The following SYNE1 variants were observed in gnomAD, a reference collection of about 807,000 sequenced individuals.
SYNE1 encodes spectrin repeat containing nuclear envelope protein 1, also known as nesprin-1.
A neutral mutation model predicts 1,111.0 loss-of-function variants in SYNE1; 616 were observed. That is an observed-to-expected ratio of 0.55 (90% CI 0.52 to 0.59). The LOEUF is 0.59. Ranked by LOEUF, SYNE1 falls within the 20% of genes least tolerant of loss-of-function variation. The probability of loss-of-function intolerance (pLI) is 0.00; values close to 1 mark genes in which losing one functional copy is unlikely to be tolerated. For missense variants in SYNE1, 10,006 were observed against 10,417.0 expected (o/e 0.96, Z 1.72); for synonymous variants, 3,855 against 3,825.8 (o/e 1.01, Z -0.28).
intron 5 of SYNE1, 125 bp downstream of exon 5, chr6:152,525,955 A>G: frequency 1.2e-6 from 1 of 835,700 alleles, no homozygotes; most frequent in East Asian, 2.6e-5. Flanking sequence ...TTTCCAGTAT[A>G]CTACCAACCA....
chr6:152,377,444 A>C (rs1312397961), intron 56 of SYNE1, among the ~76,000 whole-genome samples: 1 of 150,658 alleles, frequency 6.6e-6, no homozygotes, highest in African/African-American at 2.4e-5. Flanking sequence ...CCCCATCTCT[A>C]CTGAAAATAC....
intron 98 of SYNE1, 103 bp downstream of exon 98, chr6:152,277,986 G>A (rs1476747499): frequency 1.6e-6 from 2 of 1,226,188 alleles, no homozygotes; most frequent in Non-Finnish European, 2.4e-6. Context: ...ACACACACAA[G>A]TACGCGTCAC....
intron 64 of SYNE1, among the ~76,000 whole-genome samples, chr6:152,360,286 GCAA>G (rs1487815216): frequency 7.2e-5 from 11 of 152,086 alleles, no homozygotes; most frequent in African/African-American, 2.7e-4. Context: ...ACTCTCTGCT[GCAA>G]CAACACCTGC....
In SYNE1 at chr6:152,466,207, T is replaced by C. The variant is rs2098766388; in HGVS notation, c.1633-129A>G. The C allele has an allele frequency of 5.4e-5, 35 of 646,840 alleles. No homozygotes were observed. In the East Asian group the frequency reaches 9.7e-4, roughly 18 times the overall value. 40.1% of individuals were successfully genotyped at this position (646,840 alleles called of 1,614,324 possible). On this transcript the variant is annotated intron_variant, in intron 16 of 145. Transcript: ENST00000367255. Reference sequence around the variant, plus strand: ...GTTAATCTCAGTCTTCTTGAAAACATAAAATTAATTCCACTGCTACAAATT... The same window carrying C: ...GTTAATCTCAGTCTTCTTGAAAACACAAAATTAATTCCACTGCTACAAATT...
intron 87 of SYNE1, among the ~76,000 whole-genome samples, chr6:152,312,975 AG>A (rs2095598965): frequency 6.6e-6 from 1 of 152,180 alleles, no homozygotes; most frequent in South Asian, 2.1e-4. Context: ...AAGAAAGTAA[AG>A]GGATGAAAGA....
At chr6:152,545,502 C>T (rs1344799309) in intron 3 of SYNE1, among the ~76,000 whole-genome samples, 2 of 152,128 alleles carry the variant, frequency 1.3e-5, no homozygotes, top group East Asian at 1.9e-4. Context: ...ATCACTTGAA[C>T]CTGGGAGGCA....
chr6:152,165,513 T>C (rs2635473), intron 130 of SYNE1, among the ~76,000 whole-genome samples: 88,667 of 151,764 alleles, frequency 0.58, 26,881 homozygotes, highest in Non-Finnish European at 0.68. Context: ...TTGAATAACA[T>C]TTTCAGTTTG....
At chr6:152,516,105 A>T (rs1387208987) in intron 6 of SYNE1, among the ~76,000 whole-genome samples, 1 of 152,236 alleles carries the variant, frequency 6.6e-6, no homozygotes, top group Non-Finnish European at 1.5e-5. Context: ...CAATGCTAAG[A>T]TAATAAGTGG....
At position 152,350,148 on chromosome 6, in the gene SYNE1, C is replaced by G; in HGVS notation, c.11901+20G>C. ...CTGGTGAAGCCATCCCAAAGGCAGC[C>G]CTTTAAAGGTCAGGGGTACCTTGTG... is the stretch of plus-strand genomic sequence containing the variant. On this transcript the variant is annotated intron_variant, in intron 72 of 145. Transcript: ENST00000367255. The G allele has an allele frequency of 6.2e-7, 1 of 1,612,514 alleles. No homozygotes were observed.
At chr6:152,392,731 T>C (rs2097665470) in intron 51 of SYNE1, among the ~76,000 whole-genome samples, 1 of 152,202 alleles carries the variant, frequency 6.6e-6, no homozygotes, top group African/African-American at 2.4e-5. Context: ...AAAAGACATT[T>C]ATTATACTTG....
chr6:152,441,995 C>A, intron 31 of SYNE1, 80 bp downstream of exon 31: 1 of 1,529,812 alleles, frequency 6.5e-7, no homozygotes, highest in East Asian at 2.2e-5. Flanking sequence ...AACAAAGGTT[C>A]GCCTTGGTGT....
chr6:152,242,903 G>A (rs2086103951), intron 106 of SYNE1, among the ~76,000 whole-genome samples: 3 of 151,918 alleles, frequency 2.0e-5, no homozygotes, highest in African/African-American at 4.8e-5. Flanking sequence ...ACTCTTTGAA[G>A]AAAAATAAAG....
chr6:152,196,764 C>T (rs781689983), intron 127 of SYNE1, among the ~76,000 whole-genome samples: 2 of 151,960 alleles, frequency 1.3e-5, no homozygotes, highest in Non-Finnish European at 2.9e-5. Context: ...GGCACAACAA[C>T]TCCTTTAGCT....
At chr6:152,472,584 TG>T in intron 14 of SYNE1, 171 bp from the exon 15 acceptor site, 3 of 711,170 alleles carry the variant, frequency 4.2e-6, no homozygotes, top group Non-Finnish European at 7.7e-6. Context: ...GAATAGGAGC[TG>T]GGTGCTTGTA....
At chr6:152,458,666 G>T in intron 22 of SYNE1, 91 bp downstream of exon 22, 1 of 1,368,362 alleles carries the variant, frequency 7.3e-7, no homozygotes, top group Non-Finnish European at 1.0e-6. Flanking sequence ...AATGTTTCTT[G>T]TCCTCACTGA....
At chr6:152,283,229 G>A (rs941292595) in intron 96 of SYNE1, among the ~76,000 whole-genome samples, 2 of 152,184 alleles carry the variant, frequency 1.3e-5, no homozygotes, top group South Asian at 2.1e-4. Flanking sequence ...ATTAAGTAAC[G>A]TGGGAACCAG....
At chr6:152,185,788 T>C (rs553913680) in intron 128 of SYNE1, among the ~76,000 whole-genome samples, 1 of 152,356 alleles carries the variant, frequency 6.6e-6, no homozygotes, top group South Asian at 2.1e-4. Flanking sequence ...GCTGTCTAGA[T>C]ATATCTAAGT....
intron 11 of SYNE1, among the ~76,000 whole-genome samples, chr6:152,491,641 G>C (rs2098971172): frequency 6.6e-6 from 1 of 152,156 alleles, no homozygotes; most frequent in African/African-American, 2.4e-5. Context: ...AGACCTGGAT[G>C]ATTTTTCTTG....
Position 152,201,882 on chromosome 6 carries a change from AG to A in SYNE1, c.23086del (p.Leu7696PhefsTer22). ...ATGGTGATCCGGGAGAGACTGCGAA[AG>A]CTTCTTTTTGAAAGTTCGTAGTTTC... is the stretch of plus-strand genomic sequence containing the variant. Reference protein sequence around the residue: ...LEKLRTFKKKLSQSLPDHHEE... With the variant: ...LEKLRTFKKKXSQSLPDHHEE... On this transcript the variant is annotated frameshift_variant, in exon 127 of 146. Coordinates refer to ENST00000367255, the MANE Select transcript of SYNE1 (RefSeq NM_182961.4). LOFTEE classifies it high-confidence loss of function. 6.2e-7 allele frequency: 1 copy of A among 1,613,956 alleles called. No individual in the cohort carries two copies. Among genetic ancestry groups the A allele is most frequent in the Non-Finnish European group, 8.5e-7 (1 of 1,179,850 alleles).
Sources: gnomAD v4.1 joint callset for allele counts (sites outside exome capture counted in the v4.1 genomes callset) on GRCh38, gnomAD v4.1.1 for gene constraint, MANE v1.5 for transcripts, NCBI Gene and HGNC (gene_info 2026-07-23, HGNC 2026-07-21) for gene names.